CUL7: variants seen among roughly 807,000 people sequenced by gnomAD.
The protein encoded by CUL7 is cullin-7.
In CUL7, 96 loss-of-function variants were observed where a neutral mutation model predicts 177.7. The observed-to-expected ratio is 0.54, with a 90% CI of 0.46 to 0.64. CUL7 has a LOEUF of 0.64. Ranked by LOEUF, CUL7 falls within the 30% of genes least tolerant of loss-of-function variation. CUL7 has a pLI of 0.00. For missense variants in CUL7, 1,893 were observed against 2,187.9 expected, an observed-to-expected ratio of 0.87 and a Z score of 2.69; for synonymous variants, 824 against 890.2, an observed-to-expected ratio of 0.93 and a Z score of 1.32.
rs778909271 is a variant in CUL7, at chr6:43,050,989, G to A, written c.1212C>T (p.Asn404=). The change falls in exon 4 of 26, where the codon AAC becomes AAT. Residue 404 remains asparagine, a synonymous_variant. Coordinates refer to ENST00000265348, the MANE Select transcript of CUL7 (RefSeq NM_014780.5). The surrounding 1 kb of genome is among the most constrained non-coding windows in gnomAD (Gnocchi z 4.1). ...TCACCTGCACAGGAGGCACACCGTT[G>A]TTGCTCTGCCGAAACTCGCCCTCAT... ...AGDEGEFRQS[N]NGVPPVQVFW... is the part of the protein sequence containing the mutation. 6.2e-7 allele frequency: 1 copy of A among 1,614,082 alleles called. No individual in the cohort carries two copies.
At chr6:43,044,665 C>T in intron 16 of CUL7, 87 bp downstream of exon 16, 1 of 1,531,814 alleles carries the variant, frequency 6.5e-7, no homozygotes, top group Non-Finnish European at 8.8e-7. Flanking sequence ...GGACATAATC[C>T]AGGTGGTTCT....
rs1763185130 is a variant in CUL7 at position 43,038,971 on chromosome 6, G to A, written c.4311C>T (p.Ala1437=). The A allele has an allele frequency of 6.2e-7, 1 of 1,611,154 alleles. No individual in the cohort carries two copies. The highest frequency in any genetic ancestry group is 1.7e-5 in the Admixed American group (1 of 60,006). The part of the protein sequence containing the change: ...NFYNKSQSHP[A]LERGSQRRLQ... ...GTCGCCTCTGTGAGCCTCGCTCAAG[G>A]GCAGGGTGGCTCTGACCTGGACCAG... Residue 1437 remains alanine (A), a synonymous_variant, in exon 23 of 26, where the codon GCC becomes GCT. Transcript: ENST00000265348.
In CUL7 at chr6:43,052,844, G is replaced by A. The variant is rs755059267; in HGVS notation, c.-8-48C>T. On this transcript the variant is annotated intron_variant, in intron 1 of 25. Transcript: ENST00000265348. This position sits in a 1 kb window ranked among gnomAD's most constrained non-coding sequence, Gnocchi z 4.5. ...AACAGACAAGCTAGAGGAAGGAGAG[G>A]TCAGAAAATCAAAGATATCCAGGAG... 2 of 1,567,920 alleles carry A rather than the reference G, an allele frequency of 1.3e-6. No individual in the cohort carries two copies. The highest frequency in any genetic ancestry group is 2.3e-5 in the East Asian group (1 of 43,598).
chr6:43,049,262 C>T, intron 7 of CUL7, 145 bp downstream of exon 7: 1 of 1,035,028 alleles, frequency 9.7e-7, no homozygotes, highest in Non-Finnish European at 1.5e-6. Flanking sequence ...ACAATGCCTG[C>T]TTCTCCGTTT....
Position 43,040,418 on chromosome 6 carries a change from A to G in CUL7, c.4032T>C (p.Leu1344=). The G allele has an allele frequency of 6.2e-7, 1 of 1,612,400 alleles. No homozygotes were observed. Among genetic ancestry groups the G allele is most frequent in the East Asian group, 2.2e-5 (1 of 44,876 alleles). The change falls in exon 22 of 26, where the codon CTT becomes CTC. Residue 1344 remains leucine, a synonymous_variant. Transcript: ENST00000265348. This position sits in a 1 kb window ranked among gnomAD's most constrained non-coding sequence, Gnocchi z 4.2. ...TCTTGTGCTCCTTGCCACTGGCCCC[A>G]AGGCCCACCTGAAGGAGCACAGGGT... ...EDTEKKIQVG[L]GASGKEHKSE... is the part of the protein sequence containing the mutation.
chr6:43,046,067 A>G lies in CUL7; in HGVS notation c.2685T>C (p.Ser895=). Residue 895 remains serine (S), a synonymous_variant, in exon 13 of 26, where the codon AGT becomes AGC. Transcript: ENST00000265348. ...LIRQLTLLVA[S]EDSSYMPARV... is the part of the protein sequence containing the mutation. ...GGGCCGGCATGTAACTCGAGTCCTC[A>G]CTAGCCACAAGCAGAGTCAGTTGCC... The G allele has an allele frequency of 6.2e-7, 1 of 1,614,078 alleles. No individual in the cohort carries two copies. The highest frequency in any genetic ancestry group is 8.5e-7 in the Non-Finnish European group (1 of 1,180,004).
At chr6:43,047,134 G>T in intron 9 of CUL7, 27 bp from the exon 10 acceptor site, 1 of 1,388,228 alleles carries the variant, frequency 7.2e-7, no homozygotes, top group Non-Finnish European at 1.0e-6. Context: ...GGGAGGAGAT[G>T]AATGAAGACA....
At position 43,043,217 on chromosome 6, in the gene CUL7, T is replaced by G. The variant is rs1581921731; in HGVS notation, c.3356-37A>C. The stretch of plus-strand genomic sequence containing the variant: ...AAGAAAGTGGCAGAGGCAAGGAGGG[T>G]GCAGCCCCTCCACTCCCAAGTCCCC... On this transcript the variant is annotated intron_variant, in intron 17 of 25. Transcript: ENST00000265348. This position sits in a 1 kb window ranked among gnomAD's most constrained non-coding sequence, Gnocchi z 4.2. The G allele has an allele frequency of 6.5e-7, 1 of 1,535,862 alleles. No individual in the cohort carries two copies. Among genetic ancestry groups the G allele is most frequent in the Non-Finnish European group, 9.0e-7 (1 of 1,111,964 alleles).
At position 43,040,765 on chromosome 6, in the gene CUL7, G is replaced by T. The variant is rs148105698; in HGVS notation, c.3807-19C>A. ...GTAGTGCCTGCAGTGCATGCAGCCC[G>T]GGCCAAGCCTCAGTGTGGGCACCAG... On this transcript the variant is annotated intron_variant, in intron 20 of 25. Coordinates refer to ENST00000265348, the MANE Select transcript of CUL7 (RefSeq NM_014780.5). The surrounding 1 kb of genome is among the most constrained non-coding windows in gnomAD (Gnocchi z 4.2). 1 of 1,612,980 alleles carries T rather than the reference G, an allele frequency of 6.2e-7. No homozygotes were observed. Among genetic ancestry groups the T allele is most frequent in the Non-Finnish European group, 8.5e-7 (1 of 1,179,162 alleles).
Position 43,043,900 on chromosome 6 carries a change from A to G in CUL7, c.3173-270T>C, listed in dbSNP as rs1368728544. Among the ~76,000 whole-genome samples, 2 of 152,240 alleles carry G rather than the reference A, an allele frequency of 1.3e-5. No individual in the cohort carries two copies. Among genetic ancestry groups the G allele is most frequent in the Non-Finnish European group, 2.9e-5 (2 of 68,036 alleles). On this transcript the variant is annotated intron_variant, in intron 16 of 25. Coordinates refer to ENST00000265348, the MANE Select transcript of CUL7 (RefSeq NM_014780.5). The surrounding 1 kb of genome is among the most constrained non-coding windows in gnomAD (Gnocchi z 4.2). ...TAAGCATAAAAAAATAGAAAAGGCC[A>G]GGTGCGGTGGCTCATGCCTGTAATC...
intron 7 of CUL7, 88 bp downstream of exon 7, chr6:43,049,319 A>G: frequency 6.4e-7 from 1 of 1,574,234 alleles, no homozygotes; most frequent in Non-Finnish European, 8.7e-7. Flanking sequence ...TCACTTCCAG[A>G]AAGGATTGCA....
In CUL7 at chr6:43,043,684, A is replaced by C; in HGVS notation, c.3173-54T>G. 1 of 1,241,580 alleles carries C rather than the reference A, an allele frequency of 8.1e-7. No homozygotes were observed. The highest frequency in any genetic ancestry group is 1.2e-6 in the Non-Finnish European group (1 of 861,478). The allele number at this position is 1,241,580 out of a possible 1,614,324, so 76.9% of individuals were successfully genotyped here. ...ACAGCCATGTCTGCAGGGAAGTGGG[A>C]GTGGTTGGGCTGAACAGGAGTGTGG... On this transcript the variant is annotated intron_variant, in intron 16 of 25. Transcript: ENST00000265348. This position sits in a 1 kb window ranked among gnomAD's most constrained non-coding sequence, Gnocchi z 4.2.
In CUL7 at chr6:43,044,808, C is replaced by T. The variant is rs781577544; in HGVS notation, c.3116G>A (p.Gly1039Asp). Residue 1039 changes from glycine (G) to aspartate (D), a missense_variant, in exon 16 of 26, where the codon GGC becomes GAC. By Grantham distance (94) the Gly-to-Asp change is moderately conservative. This residue lies in a region of CUL7 where 973 missense variants were observed against 1,140.9 expected (regional missense o/e 0.85). Coordinates refer to ENST00000265348, the MANE Select transcript of CUL7 (RefSeq NM_014780.5). ...LPDDEAAQAL[G>D]KTCWEALVSP... is the part of the protein sequence containing the mutation. ...GACCAGGGCCTCCCAGCAGGTCTTG[C>T]CCAGAGCTTGGGCAGCCTCGTCATC... 1.2e-6 allele frequency: 2 copies of T among 1,613,894 alleles called. No homozygotes were observed. Among genetic ancestry groups the T allele is most frequent in the East Asian group, 2.2e-5 (1 of 44,874 alleles).
chr6:43,038,723 C>T (rs746410826), intron 23 of CUL7, 31 bp from the exon 24 acceptor site: 2 of 1,612,544 alleles, frequency 1.2e-6, no homozygotes, highest in Non-Finnish European at 1.7e-6. Context: ...ACATTCAGGG[C>T]CTCCCCAAGG....
At position 43,046,103 on chromosome 6, in the gene CUL7, G is replaced by A; in HGVS notation, c.2661-12C>T. The stretch of plus-strand genomic sequence containing the variant: ...GCAGAGTCAGTTGCCTGGGAGTGGG[G>A]AGGAAAAACCATTTGGAACTTGTAG... On this transcript the variant is annotated splice_polypyrimidine_tract_variant and intron_variant, in intron 12 of 25. Coordinates refer to ENST00000265348, the MANE Select transcript of CUL7 (RefSeq NM_014780.5). The A allele has an allele frequency of 1.2e-6, 2 of 1,613,736 alleles. No homozygotes were observed. Among genetic ancestry groups the A allele is most frequent in the Middle Eastern group, 1.6e-4 (1 of 6,062 alleles).
At chr6:43,042,030 AGAAAGAAAGAGAGAAG>A (rs745374726) in intron 19 of CUL7, among the ~76,000 whole-genome samples, 4 of 145,142 alleles carry the variant, frequency 2.8e-5, no homozygotes, top group South Asian at 2.3e-4. Flanking sequence ...AAAAGGAAGA[AGAAAGAAAGAGAGAAG>A]GAAAGAAAGA....
Position 43,053,300 on chromosome 6 carries a change from A to ATCCC in CUL7, c.-9+321_-9+322insGGGA, listed in dbSNP as rs1764598760. ...ACCTGAGAACTGGTGGTGGAGTGGGAGGGCAAGGCGCGATGGACTAGGAGG... is the reference window on the plus strand; with the variant it reads ...ACCTGAGAACTGGTGGTGGAGTGGGATCCCGGGCAAGGCGCGATGGACTAGGAGG... On this transcript the variant is annotated intron_variant, in intron 1 of 25. Transcript: ENST00000265348. This position sits in a 1 kb window ranked among gnomAD's most constrained non-coding sequence, Gnocchi z 4.1. 1.3e-5 allele frequency among the ~76,000 whole-genome samples: 2 copies of ATCCC among 152,054 alleles called. No homozygotes were observed. The highest frequency in any genetic ancestry group is 2.1e-4 in the South Asian group (1 of 4,804).
chr6:43,040,961 T>C lies in CUL7; in HGVS notation c.3760A>G (p.Ile1254Val). ...GTGGCTATCTCCAAGCCGGAGAAAA[T>C]CAGGACAGCTTGCAGGCATTGCTGC... ...QLQQCLQAVLIFSGLEIATTF... is the reference protein window; with the variant it reads ...QLQQCLQAVLVFSGLEIATTF... The change falls in exon 20 of 26, where the codon ATT (isoleucine) becomes GTT (valine). Residue 1254 changes from isoleucine (I) to valine (V), a missense_variant. Transcript: ENST00000265348. The surrounding 1 kb of genome is among the most constrained non-coding windows in gnomAD (Gnocchi z 4.2). The C allele has an allele frequency of 6.2e-7, 1 of 1,613,340 alleles. No homozygotes were observed. The highest frequency in any genetic ancestry group is 1.6e-4 in the Middle Eastern group (1 of 6,062).
Position 43,043,580 on chromosome 6 carries a change from A to C in CUL7, c.3223T>G (p.Cys1075Gly), listed in dbSNP as rs780917415. ...LGWLLDQYLECQEAVFNPQSR... is the reference protein window; with the variant it reads ...LGWLLDQYLEGQEAVFNPQSR... ...TGGGGGTTGAAGACAGCTTCCTGACACTCCAGGTACTGGTCCAGCAGCCAA... is the reference window on the plus strand; with the variant it reads ...TGGGGGTTGAAGACAGCTTCCTGACCCTCCAGGTACTGGTCCAGCAGCCAA... The change falls in exon 17 of 26, where the codon TGT becomes GGT. Residue 1075 changes from cysteine (C) to glycine (G), a missense_variant. Physicochemically the swap from Cys to Gly is radical, Grantham distance 159. This residue lies in a region of CUL7 where 973 missense variants were observed against 1,140.9 expected (regional missense o/e 0.85). Transcript: ENST00000265348. This position sits in a 1 kb window ranked among gnomAD's most constrained non-coding sequence, Gnocchi z 4.2. 3 of 1,613,310 alleles carry C rather than the reference A, an allele frequency of 1.9e-6. No homozygotes were observed. The South Asian group carries it at 3.3e-5, about 18-fold the overall frequency.
Sources: allele counts gnomAD v4.1 joint callset (sites outside exome capture counted in the v4.1 genomes callset), GRCh38; gene constraint gnomAD v4.1.1; regional missense constraint gnomAD v4.1.1; non-coding constraint Gnocchi (gnomAD v3.1); transcripts MANE v1.5; gene names NCBI Gene and HGNC (gene_info 2026-07-23, HGNC 2026-07-21).